The following SLA variants were observed in gnomAD, a reference collection of about 807,000 sequenced individuals.
SLA encodes Src like adaptor, also known as src-like-adapter.
A neutral mutation model predicts 30.3 loss-of-function variants in SLA; 16 were observed. The observed-to-expected ratio is 0.53, with a 90% confidence interval of 0.36 to 0.80. The LOEUF (loss-of-function observed/expected upper bound fraction) is 0.80, where lower values mean the gene tolerates loss of function less well. Among genes scored for constraint, SLA ranks in the 30% least tolerant of loss-of-function variants. SLA has a pLI of 0.01. For missense variants in SLA, 310 were observed against 345.2 expected (o/e 0.90, Z 0.81); for synonymous variants, 143 against 137.8 (o/e 1.04, Z -0.26).
chr8:133,088,090 G>A (rs1846894267), intron 1 of SLA, among the ~76,000 whole-genome samples: 1 of 152,210 alleles, frequency 6.6e-6, no homozygotes, highest in South Asian at 2.1e-4. Flanking sequence ...CAATAGAGGC[G>A]AGAGCTCTGT....
chr8:133,088,120 G>A (rs1360945098), intron 1 of SLA, among the ~76,000 whole-genome samples: 3 of 152,218 alleles, frequency 2.0e-5, no homozygotes, highest in South Asian at 2.1e-4. Context: ...AATGCAGCAC[G>A]GTTGTACATG....
chr8:133,090,314 T>A (rs1346722525), intron 1 of SLA, among the ~76,000 whole-genome samples: 1 of 152,112 alleles, frequency 6.6e-6, no homozygotes, highest in African/African-American at 2.4e-5. Context: ...GGGTTTGGAG[T>A]TGGAACACCT....
At chr8:133,044,662 C>A (rs1259072290) in intron 7 of SLA, among the ~76,000 whole-genome samples, 4 of 152,112 alleles carry the variant, frequency 2.6e-5, no homozygotes, top group Non-Finnish European at 4.4e-5. Flanking sequence ...TATAACAAAG[C>A]CCCAGAGGCT....
In SLA at chr8:133,038,560, G is replaced by T. The variant is rs543907111; in HGVS notation, c.795C>A (p.Ser265Arg). 17 of 1,613,902 alleles carry T rather than the reference G, an allele frequency of 1.1e-5. 1 individual carries two copies. In the South Asian group the frequency reaches 1.8e-4, roughly 17 times the overall value. ...AGTAAGGTGGTGATGAGAAGAATGA[G>T]CTCTTTCTCTTGCTGCCACCATACA... ...SLMYGGSKRK[S>R]SFFSSPPYFE... The change falls in exon 9 of 9, where the codon AGC becomes AGA. Residue 265 changes from serine to arginine, a missense_variant. Transcript: ENST00000338087.
intron 1 of SLA, among the ~76,000 whole-genome samples, chr8:133,089,252 G>A (rs752658269): frequency 7.2e-5 from 11 of 152,172 alleles, no homozygotes; most frequent in Non-Finnish European, 1.0e-4. Context: ...CTTCTGTTCC[G>A]CATATGGTGT....
chr8:133,040,032 G>T lies in SLA; in HGVS notation c.583C>A (p.Arg195Ser), dbSNP rs375750625. 4 of 1,551,858 alleles carry T rather than the reference G, an allele frequency of 2.6e-6. No homozygotes were observed. The highest frequency in any genetic ancestry group is 2.4e-5 in the East Asian group (1 of 40,954). ...CTCCTCCAGTCCACAGTCTTCTGAC[G>T]CAAGGTGACAGGTGAGCTGGAGGCC... Reference protein sequence around the residue: ...VRASSSPVTLRQKTVDWRRVS... With the variant: ...VRASSSPVTLSQKTVDWRRVS... The change falls in exon 8 of 9, where the codon CGT becomes AGT. Residue 195 changes from arginine (R) to serine (S), a missense_variant. By Grantham distance (110) the Arg-to-Ser change is moderately radical. Coordinates refer to ENST00000338087, the MANE Select transcript of SLA (RefSeq NM_001045556.3).
chr8:133,077,090 C>T (rs1845008235), intron 1 of SLA, among the ~76,000 whole-genome samples: 1 of 152,132 alleles, frequency 6.6e-6, no homozygotes, highest in Admixed American at 6.5e-5. Context: ...TGGGCTCTCT[C>T]TAGAGATATC....
chr8:133,046,105 C>T (rs1239502090), intron 6 of SLA, among the ~76,000 whole-genome samples: 3 of 152,122 alleles, frequency 2.0e-5, no homozygotes, highest in Non-Finnish European at 4.4e-5. Context: ...CCATGTGCCT[C>T]GATTTCCTCA....
intron 3 of SLA, among the ~76,000 whole-genome samples, chr8:133,054,962 G>C (rs1283380649): frequency 6.6e-6 from 1 of 152,150 alleles, no homozygotes; most frequent in African/African-American, 2.4e-5. Flanking sequence ...CTAGTCGTTT[G>C]TCACTTCCAG....
In SLA at chr8:133,093,442, A is replaced by T. The variant is rs937786991; in HGVS notation, c.-319+9111T>A. ...GAGCCTTGCTTTGTTTTAAAGCAGG[A>T]CCAGGAGACTCGGAGTTTGTCTAAG... On this transcript the variant is annotated intron_variant, in intron 1 of 8. Coordinates refer to ENST00000338087, the MANE Select transcript of SLA (RefSeq NM_001045556.3). 1.3e-5 allele frequency among the ~76,000 whole-genome samples: 2 copies of T among 152,286 alleles called. 1 individual carries two copies. The highest frequency in any genetic ancestry group is 4.8e-5 in the African/African-American group (2 of 41,556).
In SLA at chr8:133,067,919, G is replaced by GAAGA. The variant is rs369124794; in HGVS notation, c.-41+6933_-41+6934insTCTT. ...GGAAGGAAGGAAGGAAGGAAGGAAA[G>GAAGA]AGAGAGAGAGAGAAAGAAAGAAAGA... On this transcript the variant is annotated intron_variant, in intron 2 of 8. Coordinates refer to ENST00000338087, the MANE Select transcript of SLA (RefSeq NM_001045556.3). 5.4e-4 allele frequency among the ~76,000 whole-genome samples: 46 copies of GAAGA among 85,894 alleles called. 2 individuals carry two copies. The East Asian group carries it at 0.01, about 19-fold the overall frequency. The allele number at this position is 85,894 out of a possible 152,430, so 56.3% of individuals were successfully genotyped here. A position where few individuals can be genotyped will look rare whatever the true frequency, so the allele number is the denominator to read the frequency against.
In SLA at chr8:133,045,034, G is replaced by A. The variant is rs1839050315; in HGVS notation, c.434C>T (p.Ser145Phe). The change falls in exon 7 of 9, where the codon TCC becomes TTC. Residue 145 changes from serine (S) to phenylalanine (F), a missense_variant. By Grantham distance (155) the Ser-to-Phe change is radical. Coordinates refer to ENST00000338087, the MANE Select transcript of SLA (RefSeq NM_001045556.3). ...CAGGCACTGGAAGGTGAGCCTCGGG[G>A]AAATGTAGTACCAGTTGTTGGGCAG... ...FRLPNNWYYI[S>F]PRLTFQCLED... The A allele has an allele frequency of 1.2e-6, 2 of 1,614,182 alleles. No homozygotes were observed. The highest frequency in any genetic ancestry group is 1.7e-6 in the Non-Finnish European group (2 of 1,179,992).
chr8:133,096,935 C>T (rs1052870804), intron 1 of SLA, among the ~76,000 whole-genome samples: 15 of 152,224 alleles, frequency 9.9e-5, no homozygotes, highest in African/African-American at 2.4e-5. Flanking sequence ...TGCACAGTTC[C>T]TGCTCTCGCC....
intron 8 of SLA, among the ~76,000 whole-genome samples, chr8:133,039,152 T>C (rs1291698976): frequency 2.6e-5 from 4 of 152,346 alleles, no homozygotes; most frequent in African/African-American, 9.6e-5. Flanking sequence ...GTGCTGGGGT[T>C]ACAGGCGTGA....
intron 2 of SLA, among the ~76,000 whole-genome samples, chr8:133,062,619 G>A (rs1016005074): frequency 3.3e-5 from 5 of 152,246 alleles, no homozygotes; most frequent in African/African-American, 4.8e-5. Context: ...AGCCACAGGC[G>A]CTGTCCTGCA....
intron 8 of SLA, among the ~76,000 whole-genome samples, chr8:133,039,594 T>C (rs1837772841): frequency 6.6e-6 from 1 of 152,230 alleles, no homozygotes; most frequent in South Asian, 2.1e-4. Context: ...AAGAAGTCAC[T>C]GTAGGATTCT....
rs190364520 is a variant in SLA at position 133,056,930 on chromosome 8, C to A, written c.61+3170G>T. Among the ~76,000 whole-genome samples, 305 of 152,264 alleles carry A rather than the reference C, an allele frequency of 2.0e-3. 1 individual carries two copies. Among genetic ancestry groups the A allele is most frequent in the African/African-American group, 7.1e-3 (294 of 41,562 alleles). Reference sequence around the variant, plus strand: ...CAGCTGGCGGCTACCTTCCACCATCCCCAGGTTCTGATTCGTGGGCCTGGG... The same window carrying A: ...CAGCTGGCGGCTACCTTCCACCATCACCAGGTTCTGATTCGTGGGCCTGGG... On this transcript the variant is annotated intron_variant, in intron 3 of 8. Transcript: ENST00000338087.
At chr8:133,101,101 C>T (rs1284170516) in intron 1 of SLA, among the ~76,000 whole-genome samples, 1 of 152,072 alleles carries the variant, frequency 6.6e-6, no homozygotes, top group Non-Finnish European at 1.5e-5. Context: ...TGGCGGGTGG[C>T]AGGCTCTACC....
intron 2 of SLA, among the ~76,000 whole-genome samples, chr8:133,074,291 A>G (rs548361910): frequency 6.6e-6 from 1 of 152,258 alleles, no homozygotes; most frequent in Admixed American, 6.5e-5. Flanking sequence ...TCACACTCCA[A>G]GTAGCGCTAT....
Sources: allele counts gnomAD v4.1 joint callset (sites outside exome capture counted in the v4.1 genomes callset), GRCh38; gene constraint gnomAD v4.1.1; transcripts MANE v1.5; gene names NCBI Gene and HGNC (gene_info 2026-07-23, HGNC 2026-07-21).